Variants in PADI1 observed in about 807,000 individuals in gnomAD.
The protein encoded by PADI1 is protein-arginine deiminase type-1.
Under a neutral mutation model 74.8 loss-of-function variants are expected in PADI1, and 65 were observed. That is an observed-to-expected ratio of 0.87 (90% CI 0.71 to 1.07). PADI1 has a LOEUF of 1.07. PADI1 is among the 50% of genes least tolerant of loss of function. The pLI is 0.00. For synonymous variants in PADI1, 371 were observed against 336.2 expected (o/e 1.10, Z -1.13); for missense variants, 943 against 854.0 (o/e 1.10, Z -1.30).
At chr1:17,237,284 G>A in intron 11 of PADI1, 30 bp from the exon 12 acceptor site, 1 of 1,579,880 alleles carries the variant, frequency 6.3e-7, no homozygotes, top group Non-Finnish European at 8.6e-7. Flanking sequence ...CAGGCACAAG[G>A]TGACTGCCCG....
At chr1:17,218,852 A>G (rs1324063201) in intron 1 of PADI1, among the ~76,000 whole-genome samples, 1 of 151,920 alleles carries the variant, frequency 6.6e-6, no homozygotes, top group Non-Finnish European at 1.5e-5. Context: ...CAGACAGCAC[A>G]CCCCTCTTCC....
chr1:17,206,024 C>T (rs532626375), intron 1 of PADI1, among the ~76,000 whole-genome samples: 4 of 152,276 alleles, frequency 2.6e-5, no homozygotes, highest in East Asian at 1.9e-4. Flanking sequence ...GATGGGGACT[C>T]GGGGACTCAG....
At chr1:17,210,565 G>A (rs528400285) in intron 1 of PADI1, among the ~76,000 whole-genome samples, 4 of 152,150 alleles carry the variant, frequency 2.6e-5, no homozygotes, top group South Asian at 4.1e-4. Flanking sequence ...TTCAGCCTGC[G>A]CCCTCAGCCT....
chr1:17,228,951 C>G lies in PADI1; in HGVS notation c.829C>G (p.Leu277Val). 6.3e-7 allele frequency: 1 copy of G among 1,597,348 alleles called. No homozygotes were observed. The highest frequency in any genetic ancestry group is 8.5e-7 in the Non-Finnish European group (1 of 1,170,418). The change falls in exon 8 of 16, where the codon CTG (leucine) becomes GTG (valine). Residue 277 changes from leucine to valine, a missense_variant. Physicochemically the swap from Leu to Val is conservative, Grantham distance 32. Coordinates refer to ENST00000375471, the MANE Select transcript of PADI1 (RefSeq NM_013358.3). ...LSVSLVDPGT[L>V]PEVTLFTDTV... Reference sequence around the variant, plus strand: ...CAAGTCCTCATTTTCCCCTCAGACCCTGCCCGAGGTGACCCTCTTCACAGA... The same window carrying G: ...CAAGTCCTCATTTTCCCCTCAGACCGTGCCCGAGGTGACCCTCTTCACAGA...
intron 1 of PADI1, among the ~76,000 whole-genome samples, chr1:17,214,197 A>T (rs2071910950): frequency 6.6e-6 from 1 of 152,156 alleles, no homozygotes; most frequent in South Asian, 2.1e-4. Flanking sequence ...AGCTCTTGGG[A>T]TTGTGTCCAT....
At chr1:17,214,655 G>C (rs1327278592) in intron 1 of PADI1, among the ~76,000 whole-genome samples, 3 of 152,128 alleles carry the variant, frequency 2.0e-5, no homozygotes, top group African/African-American at 7.2e-5. Flanking sequence ...AGGAAGCCGG[G>C]AGCAGCTCCA....
chr1:17,236,076 C>G (rs1036900773), intron 11 of PADI1, among the ~76,000 whole-genome samples: 12 of 152,186 alleles, frequency 7.9e-5, no homozygotes, highest in Non-Finnish European at 1.3e-4. Flanking sequence ...ACCCAGGTCT[C>G]CTTCTACCTG....
intron 1 of PADI1, among the ~76,000 whole-genome samples, chr1:17,210,460 G>A (rs1274281123): frequency 6.6e-6 from 1 of 152,060 alleles, no homozygotes; most frequent in African/African-American, 2.4e-5. Context: ...CCCAGCCCCT[G>A]TTTATCTCTT....
Position 17,230,118 on chromosome 1 carries a change from C to T in PADI1, c.963C>T (p.Phe321=), listed in dbSNP as rs1021761028. ...ACACTCATGGCTCCAATGAGAAATT[C>T]CTGGAGGACATGTCTTATCTGACAT... ...VMDTHGSNEK[F]LEDMSYLTLK... The change falls in exon 9 of 16, where the codon TTC becomes TTT. Residue 321 remains phenylalanine (F), a synonymous_variant. Transcript: ENST00000375471. 2.5e-6 allele frequency: 4 copies of T among 1,613,838 alleles called. No homozygotes were observed. The highest frequency in any genetic ancestry group is 2.5e-6 in the Non-Finnish European group (3 of 1,179,802).
intron 1 of PADI1, among the ~76,000 whole-genome samples, chr1:17,211,174 T>G (rs1036246074): frequency 8.6e-5 from 13 of 151,884 alleles, no homozygotes; most frequent in African/African-American, 2.9e-4. Flanking sequence ...CCTCTGTGAC[T>G]GTAATGATCA....
At chr1:17,241,795 G>A (rs113247618) in intron 15 of PADI1, among the ~76,000 whole-genome samples, 18 of 101,360 alleles carry the variant, frequency 1.8e-4, no homozygotes, top group African/African-American at 5.8e-4. Context: ...AGTGAATGTC[G>A]GAATCGGGAT....
rs144585048 is a variant in PADI1 at position 17,209,481 on chromosome 1, C to G, written c.92+4172C>G. Among the ~76,000 whole-genome samples, 351 of 152,296 alleles carry G rather than the reference C, an allele frequency of 2.3e-3. 2 individuals are homozygous for G. Among genetic ancestry groups the G allele is most frequent in the Non-Finnish European group, 4.4e-3 (296 of 68,024 alleles). On this transcript the variant is annotated intron_variant, in intron 1 of 15. Coordinates refer to ENST00000375471, the MANE Select transcript of PADI1 (RefSeq NM_013358.3). ...CTTGAAACATAAAATATTGACATCA[C>G]GAAGGGCCTCAGAGGTCAGCCACCC...
rs759385706 is a variant in PADI1, at chr1:17,205,292, A to C, written c.75A>C (p.Ala25=). Residue 25 remains alanine (A), a synonymous_variant, in exon 1 of 16, where the codon GCA becomes GCC. Transcript: ENST00000375471. The stretch of plus-strand genomic sequence containing the variant: ...CCGTGTGTGTGGTGGGAGTCGAGGC[A>C]CATGTGGACATTCACAGGTAAGAGC... ...THAVCVVGVE[A]HVDIHSDVPK... 26 of 1,613,756 alleles carry C rather than the reference A, an allele frequency of 1.6e-5. No homozygotes were observed. Among genetic ancestry groups the C allele is most frequent in the Non-Finnish European group, 2.2e-5 (26 of 1,179,850 alleles).
At chr1:17,232,283 CA>C (rs1214094277) in intron 10 of PADI1, among the ~76,000 whole-genome samples, 1 of 152,192 alleles carries the variant, frequency 6.6e-6, no homozygotes, top group Non-Finnish European at 1.5e-5. Flanking sequence ...CTCTGTCACC[CA>C]GACTAGAGTG....
chr1:17,232,353 A>G (rs980624812), intron 10 of PADI1, among the ~76,000 whole-genome samples: 11 of 152,022 alleles, frequency 7.2e-5, no homozygotes, highest in African/African-American at 2.7e-4. Flanking sequence ...CCATCCTCCC[A>G]CTTCACCCCC....
At chr1:17,221,494 A>G (rs1569783588) in intron 1 of PADI1, among the ~76,000 whole-genome samples, 5 of 132,206 alleles carry the variant, frequency 3.8e-5, no homozygotes, top group Admixed American at 7.8e-5. Flanking sequence ...AAAGAATCAG[A>G]GCAGGGGAAG....
At chr1:17,207,733 T>C (rs891219905) in intron 1 of PADI1, among the ~76,000 whole-genome samples, 2 of 152,250 alleles carry the variant, frequency 1.3e-5, no homozygotes, top group Non-Finnish European at 2.9e-5. Context: ...TGTTGTGCTC[T>C]GGTTGGCTCT....
chr1:17,240,434 A>T (rs1343470162), intron 14 of PADI1: 1 of 517,400 alleles, frequency 1.9e-6, no homozygotes, highest in East Asian at 3.4e-5. Context: ...GCTTTGGCAC[A>T]TCCTAGCCTT....
chr1:17,216,609 G>T (rs532977991), intron 1 of PADI1, among the ~76,000 whole-genome samples: 1 of 152,144 alleles, frequency 6.6e-6, no homozygotes, highest in African/African-American at 2.4e-5. Context: ...AGTGGCTCAC[G>T]CCTGTAATCC....
Sources: allele counts gnomAD v4.1 joint callset (sites outside exome capture counted in the v4.1 genomes callset), GRCh38; gene constraint gnomAD v4.1.1; transcripts MANE v1.5; gene names NCBI Gene and HGNC (gene_info 2026-07-23, HGNC 2026-07-21).